Variants in ATP13A3 observed in about 807,000 individuals in gnomAD.
ATP13A3 encodes ATPase 13A3.
ATP13A3 carries 59 observed loss-of-function variants against 158.1 expected under a neutral mutation model. The observed-to-expected ratio is 0.37, with a 90% CI of 0.30 to 0.46. ATP13A3 has a LOEUF of 0.46. Ranked by LOEUF, ATP13A3 falls within the 20% of genes least tolerant of loss-of-function variation. The pLI is 1.00. For synonymous variants in ATP13A3, 491 were observed against 504.3 expected, an observed-to-expected ratio of 0.97 and a Z score of 0.35; for missense variants, 1,166 against 1,525.2, an observed-to-expected ratio of 0.76 and a Z score of 3.92.
chr3:194,429,255 G>A (rs1717041856), intron 27 of ATP13A3, among the ~76,000 whole-genome samples: 2 of 151,886 alleles, frequency 1.3e-5, no homozygotes, highest in Non-Finnish European at 2.9e-5. Context: ...GGTTTTTTTG[G>A]CAAAAAGAAA....
At chr3:194,462,993 A>G (rs1719764174) in intron 2 of ATP13A3, among the ~76,000 whole-genome samples, 1 of 152,242 alleles carries the variant, frequency 6.6e-6, no homozygotes, top group South Asian at 2.1e-4. Flanking sequence ...AGTACTTCAC[A>G]CAACTCAAAA....
intron 4 of ATP13A3, among the ~76,000 whole-genome samples, chr3:194,460,380 A>T (rs1231425772): frequency 6.6e-6 from 1 of 152,192 alleles, no homozygotes; most frequent in Non-Finnish European, 1.5e-5. Context: ...CTACAGTCCT[A>T]ATGGACCAGC....
intron 30 of ATP13A3, among the ~76,000 whole-genome samples, chr3:194,421,478 G>A (rs948605883): frequency 3.4e-5 from 5 of 149,246 alleles, no homozygotes; most frequent in Non-Finnish European, 5.9e-5. Flanking sequence ...GTGTGAACAC[G>A]GGAGGCGGAG....
chr3:194,479,613 C>T (rs939029830), intron 2 of ATP13A3, among the ~76,000 whole-genome samples: 3 of 151,450 alleles, frequency 2.0e-5, no homozygotes, highest in Admixed American at 1.3e-4. Flanking sequence ...GAAAAATCTT[C>T]GGTCTATAAG....
chr3:194,480,017 T>A (rs1266040045), intron 2 of ATP13A3, among the ~76,000 whole-genome samples: 1 of 152,186 alleles, frequency 6.6e-6, no homozygotes, highest in Non-Finnish European at 1.5e-5. Flanking sequence ...TATAACATTA[T>A]TGCCTGCTGT....
chr3:194,417,330 G>A (rs1298190445), intron 31 of ATP13A3, among the ~76,000 whole-genome samples: 1 of 150,460 alleles, frequency 6.6e-6, no homozygotes, highest in East Asian at 2.0e-4. Flanking sequence ...CAGGAGAATC[G>A]CTTGAATCCG....
chr3:194,455,254 T>TG (rs201659851), intron 8 of ATP13A3, among the ~76,000 whole-genome samples: 4,915 of 152,254 alleles, frequency 0.032, 281 homozygotes, highest in African/African-American at 0.11. Context: ...ACCTTGGCAA[T>TG]GAACTTCACC....
chr3:194,446,884 G>T, intron 14 of ATP13A3, 43 bp downstream of exon 14: 1 of 1,473,736 alleles, frequency 6.8e-7, no homozygotes, highest in African/African-American at 1.4e-5. Flanking sequence ...ATATTTAAAC[G>T]CTACGAAGTA....
chr3:194,489,415 T>G (rs1376049144), upstream of ATP13A3, among the ~76,000 whole-genome samples: 1 of 151,964 alleles, frequency 6.6e-6, no homozygotes, highest in African/African-American at 2.4e-5. This position sits in a 1 kb window ranked among gnomAD's most constrained non-coding sequence, Gnocchi z 4.1. Context: ...TGCACTCCAC[T>G]CTGGCCAAGA....
Position 194,448,731 on chromosome 3 carries a change from A to ATTT in ATP13A3, c.971-96_971-95insAAA. ...GAACACCAAAAAATATTAAATTGTT[A>ATTT]AATATTTTAAATGCTACCATACTGT... On this transcript the variant is annotated intron_variant, in intron 11 of 33. Coordinates refer to ENST00000645319, the MANE Select transcript of ATP13A3 (RefSeq NM_001367549.1). The surrounding 1 kb of genome is among the most constrained non-coding windows in gnomAD (Gnocchi z 4.0). 8.8e-7 allele frequency: 1 copy of ATTT among 1,141,392 alleles called. No homozygotes were observed. Among genetic ancestry groups the ATTT allele is most frequent in the East Asian group, 2.5e-5 (1 of 39,222 alleles). The allele number at this position is 1,141,392 out of a possible 1,614,324, so 70.7% of individuals were successfully genotyped here. A position where few individuals can be genotyped will look rare whatever the true frequency, so the allele number is the denominator to read the frequency against.
At chr3:194,485,132 T>C (rs77114619) in intron 2 of ATP13A3, among the ~76,000 whole-genome samples, 15,144 of 152,034 alleles carry the variant, frequency 0.1, 1,230 homozygotes, top group African/African-American at 0.22. Flanking sequence ...AAGCCAGGCA[T>C]TGTTGTTCTA....
At chr3:194,410,310 A>AAAC (rs1553794149) in intron 33 of ATP13A3, among the ~76,000 whole-genome samples, 1 of 141,738 alleles carries the variant, frequency 7.1e-6, no homozygotes, top group East Asian at 2.0e-4. Context: ...AAAAAAAAAA[A>AAAC]AAAAAAAAAA....
intron 3 of ATP13A3, 136 bp from the exon 4 acceptor site, chr3:194,460,967 C>T (rs1719615787): frequency 1.0e-6 from 1 of 954,106 alleles, no homozygotes; most frequent in Non-Finnish European, 1.5e-6. Context: ...TTTTCCAATC[C>T]ATAATTTACC....
In ATP13A3 at chr3:194,447,101, G is replaced by A. The variant is rs1445605409; in HGVS notation, c.1323C>T (p.Val441=). 9.3e-6 allele frequency: 15 copies of A among 1,607,686 alleles called. No individual in the cohort carries two copies. Among genetic ancestry groups the A allele is most frequent in the Non-Finnish European group, 1.2e-5 (14 of 1,178,384 alleles). ...TAATATCAAGAGACTCGATAATTAT[G>A]ACCCCAACTTGTACCTACAATTAAC... is the stretch of plus-strand genomic sequence containing the variant. ...NSILNEVQVG[V]IIIESLDIIT... is the part of the protein sequence containing the mutation. Residue 441 remains valine (V), a synonymous_variant, in exon 14 of 34, where the codon GTC becomes GTT. Coordinates refer to ENST00000645319, the MANE Select transcript of ATP13A3 (RefSeq NM_001367549.1).
intron 29 of ATP13A3, among the ~76,000 whole-genome samples, chr3:194,426,012 C>T (rs1462173276): frequency 6.6e-6 from 1 of 152,212 alleles, no homozygotes; most frequent in African/African-American, 2.4e-5. Flanking sequence ...ATGGCTGTCC[C>T]TCATTTCTAC....
chr3:194,476,175 G>A (rs1720514546), intron 2 of ATP13A3, among the ~76,000 whole-genome samples: 1 of 152,000 alleles, frequency 6.6e-6, no homozygotes, highest in Admixed American at 6.5e-5. Flanking sequence ...TGGGTTGCTG[G>A]GCAGGTAGCC....
At chr3:194,412,383 G>T in intron 32 of ATP13A3, 95 bp from the exon 33 acceptor site, 1 of 904,988 alleles carries the variant, frequency 1.1e-6, no homozygotes, top group Non-Finnish European at 1.7e-6. Context: ...CTGCATAATT[G>T]ATGAAAAGGA....
intron 29 of ATP13A3, among the ~76,000 whole-genome samples, chr3:194,426,862 A>T (rs1716815758): frequency 6.6e-6 from 1 of 152,062 alleles, no homozygotes; most frequent in Non-Finnish European, 1.5e-5. Flanking sequence ...GGGATTCACC[A>T]TGTTAACCAG....
chr3:194,428,326 CT>C (rs1716968028), intron 28 of ATP13A3, among the ~76,000 whole-genome samples: 2 of 151,898 alleles, frequency 1.3e-5, no homozygotes, highest in African/African-American at 4.8e-5. Flanking sequence ...CCTCATCAAA[CT>C]TTCACTAGTT....
Sources: allele counts gnomAD v4.1 joint callset (sites outside exome capture counted in the v4.1 genomes callset), GRCh38; gene constraint gnomAD v4.1.1; non-coding constraint Gnocchi (gnomAD v3.1); transcripts MANE v1.5; gene names NCBI Gene and HGNC (gene_info 2026-07-23, HGNC 2026-07-21).